The following CMTR1 variants were observed in gnomAD, a reference collection of about 807,000 sequenced individuals.
CMTR1 encodes the protein cap methyltransferase 1.
A neutral mutation model predicts 107.0 loss-of-function variants in CMTR1; 39 were observed. That is an observed-to-expected ratio of 0.36 (90% CI 0.28 to 0.48). CMTR1 has a LOEUF of 0.48. Ranked by LOEUF, CMTR1 falls within the 20% of genes least tolerant of loss-of-function variation. The pLI is 0.99. For synonymous variants in CMTR1, 366 were observed against 379.5 expected (o/e 0.96, Z 0.41); for missense variants, 672 against 1,064.9 (o/e 0.63, Z 5.14).
intron 8 of CMTR1, among the ~76,000 whole-genome samples, chr6:37,457,539 T>A (rs146524551): frequency 6.6e-6 from 1 of 152,254 alleles, no homozygotes; most frequent in African/African-American, 2.4e-5. Context: ...TTAGTGAAAA[T>A]CTAAATGAAG....
intron 8 of CMTR1, among the ~76,000 whole-genome samples, chr6:37,453,538 A>G (rs1448406699): frequency 6.6e-6 from 1 of 152,172 alleles, no homozygotes; most frequent in African/African-American, 2.4e-5. Flanking sequence ...AACCCTACAG[A>G]AGGTAGAGTG....
intron 22 of CMTR1, 35 bp from the exon 23 acceptor site, chr6:37,479,112 C>G (rs752836608): frequency 1.4e-6 from 2 of 1,479,804 alleles, no homozygotes; most frequent in Non-Finnish European, 1.9e-6. Flanking sequence ...TGCTTTGTGT[C>G]CCTTCTGGGC....
At chr6:37,454,883 G>A (rs1422638307) in intron 8 of CMTR1, among the ~76,000 whole-genome samples, 1 of 152,260 alleles carries the variant, frequency 6.6e-6, no homozygotes, top group East Asian at 1.9e-4. Flanking sequence ...CACAGGCTTG[G>A]TGTGGTTTTC....
intron 2 of CMTR1, among the ~76,000 whole-genome samples, chr6:37,442,625 C>G (rs1056059890): frequency 2.6e-5 from 4 of 152,172 alleles, no homozygotes; most frequent in African/African-American, 9.7e-5. Context: ...GCCAATGACA[C>G]TGGTGTTACT....
intron 2 of CMTR1, among the ~76,000 whole-genome samples, chr6:37,437,688 C>G (rs1412355151): frequency 6.6e-6 from 1 of 152,074 alleles, no homozygotes; most frequent in Non-Finnish European, 1.5e-5. Flanking sequence ...AAGGCAAAAA[C>G]TTACTGCACG....
Position 37,458,477 on chromosome 6 carries a change from G to A in CMTR1, c.778-135G>A, listed in dbSNP as rs527350414. 166 of 758,068 alleles carry A rather than the reference G, an allele frequency of 2.2e-4. No homozygotes were observed. Among genetic ancestry groups the A allele is most frequent in the Non-Finnish European group, 3.3e-4 (159 of 474,770 alleles). The allele number at this position is 758,068 out of a possible 1,614,324, so 47.0% of individuals were successfully genotyped here. A position where few individuals can be genotyped will look rare whatever the true frequency, so the allele number is the denominator to read the frequency against. ...TAATCACCAGAAGATACATTTCCTG[G>A]GTGCTGTAGCTCTGGTGGGAGCTCT... On this transcript the variant is annotated intron_variant, in intron 8 of 23. Coordinates refer to ENST00000373451, the MANE Select transcript of CMTR1 (RefSeq NM_015050.3). The surrounding 1 kb of genome is among the most constrained non-coding windows in gnomAD (Gnocchi z 4.7).
At position 37,435,819 on chromosome 6, in the gene CMTR1, T is replaced by A. The variant is rs1562114686; in HGVS notation, c.133+57T>A. The stretch of plus-strand genomic sequence containing the variant: ...GCCATCTGGTTATTTGAACACACAG[T>A]GTCTAATCTAGGTGGAGCAGACTAT... On this transcript the variant is annotated intron_variant, in intron 2 of 23. Transcript: ENST00000373451. 4.6e-6 allele frequency: 7 copies of A among 1,523,030 alleles called. No homozygotes were observed. The East Asian group carries it at 1.7e-4, about 37-fold the overall frequency. The allele number at this position is 1,523,030 out of a possible 1,614,324, so 94.3% of individuals were successfully genotyped here.
chr6:37,461,656 C>T lies in CMTR1; in HGVS notation c.1192+11C>T, dbSNP rs758986556. 4 of 1,551,184 alleles carry T rather than the reference C, an allele frequency of 2.6e-6. No homozygotes were observed. In the South Asian group the frequency reaches 3.4e-5, roughly 13 times the overall value. ...CCATTGTCCGGACAGGTGACACTTC[C>T]TCAGCTGTCTCCTCACCCCAGGACC... On this transcript the variant is annotated intron_variant, in intron 11 of 23. Coordinates refer to ENST00000373451, the MANE Select transcript of CMTR1 (RefSeq NM_015050.3).
Position 37,480,950 on chromosome 6 carries a change from G to T in CMTR1, c.*805G>T, listed in dbSNP as rs753474427. 1.6e-6 allele frequency: 2 copies of T among 1,244,328 alleles called. No individual in the cohort carries two copies. The highest frequency in any genetic ancestry group is 2.1e-6 in the Non-Finnish European group (2 of 966,562). 77.1% of individuals were successfully genotyped at this position (1,244,328 alleles called of 1,614,324 possible). ...CTTGAAGACCCGTCTTTCCCCCACA[G>T]CAGCAGGGGCCCCAGCAGTAACAAA... is the stretch of plus-strand genomic sequence containing the variant. On this transcript the variant is annotated 3_prime_UTR_variant, in exon 24 of 24. Transcript: ENST00000373451.
rs752195687 is a variant in CMTR1, at chr6:37,459,653, G to A, written c.1064G>A (p.Arg355His). 2.1e-5 allele frequency: 34 copies of A among 1,613,948 alleles called. No individual in the cohort carries two copies. The highest frequency in any genetic ancestry group is 1.1e-4 in the South Asian group (10 of 91,082). Residue 355 changes from arginine to histidine, a missense_variant, in exon 10 of 24, where the codon CGC becomes CAC. Around this residue, in one of 2 missense-constraint regions of CMTR1, gnomAD observed 583 missense variants for 968.4 expected, o/e 0.60. Coordinates refer to ENST00000373451, the MANE Select transcript of CMTR1 (RefSeq NM_015050.3). The stretch of plus-strand genomic sequence containing the variant: ...AATTTTGTCCTGGATAACACAGATC[G>A]CAAGGGTGTCCATTTTCTGATGGCT... ...FRNFVLDNTD[R>H]KGVHFLMADG... is the part of the protein sequence containing the mutation.
intron 21 of CMTR1, among the ~76,000 whole-genome samples, chr6:37,478,003 G>A (rs1356970539): frequency 6.6e-6 from 1 of 152,152 alleles, no homozygotes; most frequent in Non-Finnish European, 1.5e-5. Context: ...GGGTAGAAGG[G>A]GCATAAATGC....
chr6:37,477,947 C>G (rs1440659276), intron 21 of CMTR1, among the ~76,000 whole-genome samples: 3 of 152,216 alleles, frequency 2.0e-5, no homozygotes, highest in Non-Finnish European at 4.4e-5. Context: ...GCTTGAAATA[C>G]CATAAATCCC....
intron 4 of CMTR1, among the ~76,000 whole-genome samples, chr6:37,448,143 G>A (rs557311866): frequency 6.7e-6 from 1 of 148,486 alleles, no homozygotes; most frequent in Non-Finnish European, 1.5e-5. Flanking sequence ...CCTGGGAGGC[G>A]GAGCTTGCAG....
chr6:37,478,924 G>A (rs1487089435), intron 22 of CMTR1, among the ~76,000 whole-genome samples: 1 of 152,192 alleles, frequency 6.6e-6, no homozygotes, highest in East Asian at 1.9e-4. Flanking sequence ...CTGATGGAGG[G>A]TTGGCAGGAC....
chr6:37,447,348 G>A (rs1032471344), intron 4 of CMTR1, among the ~76,000 whole-genome samples: 2 of 152,186 alleles, frequency 1.3e-5, no homozygotes, highest in Non-Finnish European at 2.9e-5. Flanking sequence ...GGGCTCATGG[G>A]TTCTGGGGCC....
rs1771515801 is a variant in CMTR1, at chr6:37,435,775, G to T, written c.133+13G>T. On this transcript the variant is annotated intron_variant, in intron 2 of 23. Transcript: ENST00000373451. ...CATGGAGCAAAAGGTACGTGTGCTT[G>T]TGTGGTCTGAGGCCACTGGCCATCT... The T allele has an allele frequency of 6.3e-7, 1 of 1,579,010 alleles. No individual in the cohort carries two copies. The highest frequency in any genetic ancestry group is 2.3e-5 in the East Asian group (1 of 43,038).
chr6:37,471,825 C>T, intron 14 of CMTR1, 22 bp from the exon 15 acceptor site: 1 of 1,613,246 alleles, frequency 6.2e-7, no homozygotes, highest in Non-Finnish European at 8.5e-7. Flanking sequence ...ATTTTAATCA[C>T]TAACTGGCTT....
At chr6:37,459,383 CTG>C (rs565969394) in intron 9 of CMTR1, among the ~76,000 whole-genome samples, 181 bp from the exon 10 acceptor site, 145 of 152,342 alleles carry the variant, frequency 9.5e-4, no homozygotes, top group African/African-American at 3.3e-3. Context: ...TCCTTTGGGA[CTG>C]TGTTTCATTA....
chr6:37,440,324 T>C (rs577450831), intron 2 of CMTR1, among the ~76,000 whole-genome samples: 8 of 152,312 alleles, frequency 5.3e-5, no homozygotes, highest in Non-Finnish European at 1.2e-4. Flanking sequence ...GCCTCCTGTT[T>C]AGTTCCTGCT....
Sources: allele counts gnomAD v4.1 joint callset (sites outside exome capture counted in the v4.1 genomes callset), GRCh38; gene constraint gnomAD v4.1.1; regional missense constraint gnomAD v4.1.1; non-coding constraint Gnocchi (gnomAD v3.1); transcripts MANE v1.5; gene names NCBI Gene and HGNC (gene_info 2026-07-23, HGNC 2026-07-21).